The following TMEM132B variants were observed in gnomAD, a reference collection of about 807,000 sequenced individuals.
TMEM132B encodes transmembrane protein 132B.
A neutral mutation model predicts 90.8 loss-of-function variants in TMEM132B; 18 were observed. That is an observed-to-expected ratio of 0.20 (90% CI 0.14 to 0.29). TMEM132B has a LOEUF of 0.29. Ranked by LOEUF, TMEM132B falls within the 10% of genes least tolerant of loss-of-function variation. The pLI, the probability that TMEM132B is intolerant of heterozygous loss-of-function variation, is 1.00. For synonymous variants in TMEM132B, 504 were observed against 523.3 expected, an observed-to-expected ratio of 0.96 and a Z score of 0.50; for missense variants, 1,096 against 1,326.8, an observed-to-expected ratio of 0.83 and a Z score of 2.70.
chr12:125,286,707 T>C (rs569582505), intron 1 of TMEM132B, among the ~76,000 whole-genome samples: 16 of 147,794 alleles, frequency 1.1e-4, no homozygotes, highest in African/African-American at 2.7e-4. Context: ...AGAGAATTCC[T>C]TTTTTTTTTG....
intron 4 of TMEM132B, among the ~76,000 whole-genome samples, chr12:125,532,653 T>TATAGGTGTGCGCCACC (rs1883675203): frequency 6.6e-6 from 1 of 152,098 alleles, no homozygotes; most frequent in East Asian, 1.9e-4. Context: ...TAGCTGGGAT[T>TATAGGTGTGCGCCACC]ATAGGTGTGC....
intron 1 of TMEM132B, among the ~76,000 whole-genome samples, chr12:125,280,463 T>C (rs1875127590): frequency 6.6e-6 from 1 of 152,224 alleles, no homozygotes; most frequent in African/African-American, 2.4e-5. Flanking sequence ...TAACGAAGCA[T>C]GTCAAAATGC....
intron 5 of TMEM132B, among the ~76,000 whole-genome samples, chr12:125,616,352 T>C (rs960377092): frequency 6.6e-6 from 1 of 152,112 alleles, no homozygotes; most frequent in African/African-American, 2.4e-5. Flanking sequence ...AATGGAGGCT[T>C]GGACTATGGC....
intron 1 of TMEM132B, among the ~76,000 whole-genome samples, chr12:125,342,988 T>C (rs1035469238): frequency 2.0e-5 from 3 of 152,238 alleles, no homozygotes; most frequent in Non-Finnish European, 2.9e-5. Flanking sequence ...CCTTTCTTTT[T>C]TGATTCTATA....
In TMEM132B at chr12:125,317,341, G is replaced by T. The variant is rs75954471; in HGVS notation, c.68-32111G>T. ...TCACCTGCAGCTTCACATTGCTGCA[G>T]GTGCATCTGTGTAAAAGGCTGAGTC... On this transcript the variant is annotated intron_variant, in intron 1 of 8. Transcript: ENST00000682704. Among the ~76,000 whole-genome samples, 1,086 of 152,256 alleles carry T rather than the reference G, an allele frequency of 7.1e-3. 12 individuals are homozygous for T. The highest frequency in any genetic ancestry group is 0.025 in the African/African-American group (1,040 of 41,532).
intron 4 of TMEM132B, among the ~76,000 whole-genome samples, chr12:125,549,344 G>T (rs2136754182): frequency 6.6e-6 from 1 of 152,338 alleles, no homozygotes; most frequent in East Asian, 1.9e-4. Context: ...CTAGAAAACA[G>T]CCTCCCTTTC....
At chr12:125,478,975 G>T (rs1449641859) in intron 3 of TMEM132B, among the ~76,000 whole-genome samples, 1 of 152,186 alleles carries the variant, frequency 6.6e-6, no homozygotes, top group Admixed American at 6.5e-5. Flanking sequence ...TTAAAGAAAA[G>T]AATTTTCAAC....
chr12:125,216,989 G>A (rs887474858), intron 1 of TMEM132B, among the ~76,000 whole-genome samples: 1 of 152,260 alleles, frequency 6.6e-6, no homozygotes, highest in Non-Finnish European at 1.5e-5. Flanking sequence ...CGGCCGCGCA[G>A]ATGCCTTCCC....
intron 5 of TMEM132B, among the ~76,000 whole-genome samples, chr12:125,627,434 T>C (rs1886259691): frequency 6.6e-6 from 1 of 152,138 alleles, no homozygotes; most frequent in Non-Finnish European, 1.5e-5. Flanking sequence ...TTTTTATGAT[T>C]AGAGTTGTGT....
Position 125,654,479 on chromosome 12 carries a change from CTA to C in TMEM132B, c.3023_3024del (p.Tyr1008CysfsTer3). 6.2e-7 allele frequency: 1 copy of C among 1,613,886 alleles called. No individual in the cohort carries two copies. Among genetic ancestry groups the C allele is most frequent in the Non-Finnish European group, 8.5e-7 (1 of 1,180,030 alleles). ...ATAGTCAACTACTCAGACCCTCTGACTATGTCTATGAGAAAGAAATTAAAAAT... is the reference window on the plus strand; with the variant it reads ...ATAGTCAACTACTCAGACCCTCTGACTGTCTATGAGAAAGAAATTAAAAAT... ...FHSQLLRPSD[Y>X]VYEKEIKNEP... On this transcript the variant is annotated frameshift_variant, in exon 9 of 9. Transcript: ENST00000682704. LOFTEE classifies it high-confidence loss of function. The surrounding 1 kb of genome is among the most constrained non-coding windows in gnomAD (Gnocchi z 5.8).
At chr12:125,331,333 C>T (rs1876764946) in intron 1 of TMEM132B, among the ~76,000 whole-genome samples, 1 of 152,226 alleles carries the variant, frequency 6.6e-6, no homozygotes, top group Non-Finnish European at 1.5e-5. Context: ...TATTTTTCCT[C>T]CGCACCAAGA....
At chr12:125,353,857 A>G (rs577001377) in intron 2 of TMEM132B, among the ~76,000 whole-genome samples, 1 of 152,340 alleles carries the variant, frequency 6.6e-6, no homozygotes, top group Admixed American at 6.5e-5. Context: ...GACTGTAGAA[A>G]GCCTTAGAGT....
chr12:125,235,802 CTTTTTTTTTT>C (rs61643412), intron 1 of TMEM132B, among the ~76,000 whole-genome samples: 4 of 107,416 alleles, frequency 3.7e-5, no homozygotes, highest in Middle Eastern at 7.1e-3. Flanking sequence ...CACTTCATTC[CTTTTTTTTTT>C]TTTTTTTTTT....
intron 5 of TMEM132B, among the ~76,000 whole-genome samples, chr12:125,643,510 A>G (rs1411575458): frequency 2.0e-5 from 3 of 152,210 alleles, no homozygotes; most frequent in Non-Finnish European, 4.4e-5. Context: ...CCACGGTGAA[A>G]TGCCACATTC....
intron 2 of TMEM132B, among the ~76,000 whole-genome samples, chr12:125,392,828 G>A (rs1879063948): frequency 6.6e-6 from 1 of 152,208 alleles, no homozygotes; most frequent in African/African-American, 2.4e-5. Flanking sequence ...GAACACCTGA[G>A]GTAATATGTG....
chr12:125,422,052 G>A (rs1880184159), intron 3 of TMEM132B, among the ~76,000 whole-genome samples: 1 of 152,078 alleles, frequency 6.6e-6, no homozygotes, highest in Non-Finnish European at 1.5e-5. Flanking sequence ...TGTCTTTGAG[G>A]ACAATTTTGT....
chr12:125,255,993 G>T (rs977722974), intron 1 of TMEM132B, among the ~76,000 whole-genome samples: 1 of 151,932 alleles, frequency 6.6e-6, no homozygotes, highest in Non-Finnish European at 1.5e-5. Context: ...TTTGTGTGTC[G>T]CTTTTTTTTT....
chr12:125,398,384 TGTGAGAAAACA>T (rs1879223540), intron 2 of TMEM132B, among the ~76,000 whole-genome samples: 1 of 152,336 alleles, frequency 6.6e-6, no homozygotes, highest in South Asian at 2.1e-4. Context: ...AGAAGACCGA[TGTGAGAAAACA>T]GTTGACATAG....
chr12:125,228,146 C>T (rs1450564855), intron 1 of TMEM132B, among the ~76,000 whole-genome samples: 1 of 152,156 alleles, frequency 6.6e-6, no homozygotes, highest in African/African-American at 2.4e-5. Context: ...ACCTCATTAG[C>T]AAAGTTCCTG....
Sources: allele counts gnomAD v4.1 joint callset (sites outside exome capture counted in the v4.1 genomes callset), GRCh38; gene constraint gnomAD v4.1.1; non-coding constraint Gnocchi (gnomAD v3.1); transcripts MANE v1.5; gene names NCBI Gene and HGNC (gene_info 2026-07-23, HGNC 2026-07-21).